The following FAM13B variants were observed in gnomAD, a reference collection of about 807,000 sequenced individuals.
The protein encoded by FAM13B is protein FAM13B.
FAM13B carries 60 observed loss-of-function variants against 117.3 expected under a neutral mutation model. That is an observed-to-expected ratio of 0.51 (90% CI 0.42 to 0.63). The LOEUF is 0.63. Ranked by LOEUF, FAM13B falls within the 30% of genes least tolerant of loss-of-function variation. The pLI is 0.00. For synonymous variants in FAM13B, 332 were observed against 356.1 expected, an observed-to-expected ratio of 0.93 and a Z score of 0.76; for missense variants, 972 against 1,091.9, an observed-to-expected ratio of 0.89 and a Z score of 1.55.
intron 7 of FAM13B, among the ~76,000 whole-genome samples, chr5:137,989,946 AT>A (rs1480211535): frequency 1.3e-5 from 2 of 152,202 alleles, no homozygotes; most frequent in South Asian, 2.1e-4. Flanking sequence ...TCATCAGTTT[AT>A]TTCTAGCGGT....
At chr5:137,950,444 CTG>C (rs1422967451) in intron 17 of FAM13B, among the ~76,000 whole-genome samples, 2 of 152,050 alleles carry the variant, frequency 1.3e-5, no homozygotes, top group Admixed American at 6.5e-5. Flanking sequence ...CAAGGGCAGA[CTG>C]TGCAAGGCCT....
chr5:138,031,698 AAAGT>A (rs1346502477), intron 1 of FAM13B, among the ~76,000 whole-genome samples: 1 of 152,140 alleles, frequency 6.6e-6, no homozygotes, highest in African/African-American at 2.4e-5. Flanking sequence ...AAAAAAAAAA[AAAGT>A]AAGAAGGCGC....
intron 10 of FAM13B, among the ~76,000 whole-genome samples, chr5:137,979,368 T>C (rs1282951640): frequency 6.6e-6 from 1 of 152,148 alleles, no homozygotes; most frequent in Non-Finnish European, 1.5e-5. Flanking sequence ...CTGATTGTTG[T>C]TGTCCTTACC....
chr5:137,953,506 T>C, intron 15 of FAM13B, 41 bp from the exon 16 acceptor site: 1 of 1,603,120 alleles, frequency 6.2e-7, no homozygotes, highest in Non-Finnish European at 8.5e-7. Flanking sequence ...AATTTTCAAG[T>C]ACCAACACTG....
At chr5:137,954,939 A>G (rs1766081034) in intron 14 of FAM13B, among the ~76,000 whole-genome samples, 1 of 152,136 alleles carries the variant, frequency 6.6e-6, no homozygotes, top group South Asian at 2.1e-4. Flanking sequence ...CTATTTCCAT[A>G]TAAATTTAAA....
chr5:137,966,868 A>G (rs1770132214), intron 10 of FAM13B, among the ~76,000 whole-genome samples: 1 of 152,228 alleles, frequency 6.6e-6, no homozygotes, highest in Non-Finnish European at 1.5e-5. Context: ...GTGGCATTTC[A>G]TATTGGTGGG....
rs1767770977 is a variant in FAM13B, at chr5:137,960,204, A to C, written c.1255T>G (p.Leu419Val). The C allele has an allele frequency of 1.3e-6, 2 of 1,517,606 alleles. No individual in the cohort carries two copies. Among genetic ancestry groups the C allele is most frequent in the Non-Finnish European group, 1.8e-6 (2 of 1,106,878 alleles). 94.0% of individuals were successfully genotyped at this position (1,517,606 alleles called of 1,614,324 possible). Residue 419 changes from leucine to valine, a missense_variant, in exon 12 of 24, where the codon TTG (leucine) becomes GTG (valine). Transcript: ENST00000689681. ...GACAATTTATCACTGTCAAATAACA[A>C]ATATTCTTCCCTAAAAATACAAGTA... ...EDGCLEREEY[L>V]LFDSDKLSHL...
At chr5:137,942,829 CATTTT>C in intron 22 of FAM13B, 41 bp downstream of exon 22, 2 of 1,538,384 alleles carry the variant, frequency 1.3e-6, no homozygotes, top group Non-Finnish European at 1.7e-6. Flanking sequence ...TTGGCATATA[CATTTT>C]ATTATAAAAA....
At chr5:137,983,176 T>TG (rs1776254227) in intron 10 of FAM13B, among the ~76,000 whole-genome samples, 1 of 75,118 alleles carries the variant, frequency 1.3e-5, no homozygotes, top group Non-Finnish European at 2.5e-5. Context: ...CCAGTGTAGG[T>TG]AAAAAAAAAA....
At chr5:138,034,806 T>C (rs1790930870), upstream of FAM13B, among the ~76,000 whole-genome samples, 1 of 152,074 alleles carries the variant, frequency 6.6e-6, no homozygotes, top group Non-Finnish European at 1.5e-5. Flanking sequence ...AGGAGCAATA[T>C]GATTGCTTCA....
chr5:138,000,258 G>A (rs1203443120), intron 7 of FAM13B, among the ~76,000 whole-genome samples: 1 of 151,988 alleles, frequency 6.6e-6, no homozygotes, highest in Non-Finnish European at 1.5e-5. Flanking sequence ...TATTAGTCAG[G>A]CATGGTGCTG....
chr5:138,016,422 C>G (rs1785271622), intron 4 of FAM13B, among the ~76,000 whole-genome samples: 1 of 152,144 alleles, frequency 6.6e-6, no homozygotes, highest in African/African-American at 2.4e-5. Context: ...CTCAGGAGTT[C>G]AAGACCTGCT....
In FAM13B at chr5:137,942,684, A is replaced by G. The variant is rs532056839; in HGVS notation, c.2588+191T>C. On this transcript the variant is annotated intron_variant, in intron 22 of 23. Transcript: ENST00000689681. Reference sequence around the variant, plus strand: ...GGCTAGATTTTTTTTTAATTTTTGAAATACAGTAATGTTTTATTTAAAAAT... The same window carrying G: ...GGCTAGATTTTTTTTTAATTTTTGAGATACAGTAATGTTTTATTTAAAAAT... The G allele has an allele frequency of 2.3e-5, 13 of 559,902 alleles. No individual in the cohort carries two copies. The South Asian group carries it at 3.7e-4, about 16-fold the overall frequency. 34.7% of individuals were successfully genotyped at this position (559,902 alleles called of 1,614,324 possible).
intron 6 of FAM13B, among the ~76,000 whole-genome samples, chr5:138,008,314 T>C (rs959422104): frequency 6.6e-6 from 1 of 152,114 alleles, no homozygotes; most frequent in Non-Finnish European, 1.5e-5. Context: ...TGGTGGCATG[T>C]GCTTGTAGTC....
At chr5:138,033,966 G>A (rs1790807671), upstream of FAM13B, 1 of 152,172 alleles carries the variant, frequency 6.6e-6, no homozygotes. Flanking sequence ...AACCCTCATA[G>A]AACTTGGGAC....
At chr5:137,959,928 A>C (rs1237030040) in intron 12 of FAM13B, among the ~76,000 whole-genome samples, 165 bp from the exon 13 acceptor site, 1 of 152,196 alleles carries the variant, frequency 6.6e-6, no homozygotes, top group Non-Finnish European at 1.5e-5. Flanking sequence ...ATAAACATGC[A>C]GTTTTAGAAT....
intron 11 of FAM13B, among the ~76,000 whole-genome samples, chr5:137,962,157 A>G (rs1030148090): frequency 2.6e-5 from 4 of 152,178 alleles, no homozygotes; most frequent in Admixed American, 2.6e-4. Flanking sequence ...AAAGATTTAA[A>G]TGTCTCCAAA....
At chr5:137,975,901 G>C (rs547702080) in intron 10 of FAM13B, among the ~76,000 whole-genome samples, 2 of 144,268 alleles carry the variant, frequency 1.4e-5, no homozygotes, top group East Asian at 2.0e-4. Flanking sequence ...TCTCCATCCT[G>C]TATCAAGAAA....
chr5:137,964,391 C>T (rs1769044965), intron 10 of FAM13B, among the ~76,000 whole-genome samples: 1 of 150,468 alleles, frequency 6.6e-6, no homozygotes, highest in South Asian at 2.1e-4. Context: ...GGATTACAGG[C>T]ATGAGCCACT....
Sources: allele counts gnomAD v4.1 joint callset (sites outside exome capture counted in the v4.1 genomes callset), GRCh38; gene constraint gnomAD v4.1.1; transcripts MANE v1.5; gene names NCBI Gene and HGNC (gene_info 2026-07-23, HGNC 2026-07-21).